LARGE1: variants seen among roughly 807,000 people sequenced by gnomAD.
The protein encoded by LARGE1 is LARGE xylosyl- and glucuronyltransferase 1.
Under a neutral mutation model 87.6 loss-of-function variants are expected in LARGE1, and 43 were observed. The ratio of observed to expected loss-of-function variants is 0.49; its 90% CI spans 0.38 to 0.63. LARGE1 has a LOEUF of 0.63. Ranked by LOEUF, LARGE1 falls within the 30% of genes least tolerant of loss-of-function variation. The pLI is 0.00. For missense variants in LARGE1, 802 were observed against 1,000.2 expected (o/e 0.80, Z 2.67); for synonymous variants, 434 against 394.6 (o/e 1.10, Z -1.18).
At chr22:33,498,839 C>T (rs985840206) in intron 6 of LARGE1, among the ~76,000 whole-genome samples, 1 of 151,868 alleles carries the variant, frequency 6.6e-6, no homozygotes, top group African/African-American at 2.4e-5. Flanking sequence ...GGAGTGGTGG[C>T]GGGGGACCTG....
At chr22:33,511,405 G>A (rs2071048341) in intron 6 of LARGE1, among the ~76,000 whole-genome samples, 1 of 152,144 alleles carries the variant, frequency 6.6e-6, no homozygotes, top group African/African-American at 2.4e-5. Context: ...TTTCTGTGTT[G>A]TTACTCAGAG....
chr22:33,554,849 C>T (rs545783399), intron 6 of LARGE1, among the ~76,000 whole-genome samples: 39 of 152,300 alleles, frequency 2.6e-4, no homozygotes, highest in African/African-American at 8.4e-4. Flanking sequence ...AAGAAACATC[C>T]GCTTTACTTG....
At chr22:33,686,032 C>A (rs1406063633) in intron 2 of LARGE1, among the ~76,000 whole-genome samples, 1 of 152,158 alleles carries the variant, frequency 6.6e-6, no homozygotes, top group Non-Finnish European at 1.5e-5. Context: ...TTTATCGACT[C>A]ATCTATCTAT....
intron 9 of LARGE1, among the ~76,000 whole-genome samples, chr22:33,358,997 T>TA (rs35961638): frequency 0.076 from 10,828 of 141,744 alleles, 468 homozygotes; most frequent in South Asian, 0.13. Context: ...GACTCCATCT[T>TA]AAAAAAAAAA....
intron 1 of LARGE1, among the ~76,000 whole-genome samples, chr22:33,882,506 A>G (rs924763707): frequency 1.3e-5 from 2 of 152,054 alleles, no homozygotes; most frequent in Non-Finnish European, 2.9e-5. Flanking sequence ...CAGCCAGGAG[A>G]CCTCTCAGCA....
chr22:33,094,879 TG>T, the LARGE1 span, among the ~76,000 whole-genome samples: 1 of 152,146 alleles, frequency 6.6e-6, no homozygotes, highest in South Asian at 2.1e-4. Flanking sequence ...CCACCACACC[TG>T]GCTAATTTTG....
chr22:33,203,103 G>C (rs200793113), intron 11 of LARGE1, among the ~76,000 whole-genome samples: 15 of 133,748 alleles, frequency 1.1e-4, no homozygotes, highest in Admixed American at 5.8e-4. Flanking sequence ...CTCTCTCTCT[G>C]TGTGTGTGTG....
chr22:33,675,671 T>C (rs539916900), intron 2 of LARGE1, among the ~76,000 whole-genome samples: 11 of 152,194 alleles, frequency 7.2e-5, no homozygotes, highest in Non-Finnish European at 1.6e-4. Flanking sequence ...AGTTCTATTA[T>C]ACCTGGTACC....
At chr22:33,651,240 A>AAAAAAAAAAAAAAAAAAAAAAC (rs1218968780) in intron 2 of LARGE1, among the ~76,000 whole-genome samples, 1 of 144,192 alleles carries the variant, frequency 6.9e-6, no homozygotes, top group Non-Finnish European at 1.5e-5. Flanking sequence ...AAAAAAAAAA[A>AAAAAAAAAAAAAAAAAAAAAAC]AATTAGCCGG....
At chr22:33,871,525 G>C (rs2064280907) in intron 1 of LARGE1, among the ~76,000 whole-genome samples, 1 of 152,178 alleles carries the variant, frequency 6.6e-6, no homozygotes, top group African/African-American at 2.4e-5. Context: ...GAGGACAGAA[G>C]AGAGGTATCA....
chr22:33,068,803 A>T, the LARGE1 span, among the ~76,000 whole-genome samples: 2 of 152,236 alleles, frequency 1.3e-5, no homozygotes, highest in Non-Finnish European at 2.9e-5. Context: ...GGCAACCAAA[A>T]CAGCACGTGC....
chr22:33,868,664 T>G (rs1265701753), intron 1 of LARGE1, among the ~76,000 whole-genome samples: 1 of 152,156 alleles, frequency 6.6e-6, no homozygotes, highest in Non-Finnish European at 1.5e-5. Flanking sequence ...CAAAAACATT[T>G]CTGTGCCTCT....
At chr22:33,843,784 G>C (rs2063350204) in intron 1 of LARGE1, among the ~76,000 whole-genome samples, 1 of 152,086 alleles carries the variant, frequency 6.6e-6, no homozygotes, top group African/African-American at 2.4e-5. Flanking sequence ...CCCACAGTCT[G>C]TTCCCGGCAC....
chr22:33,359,851 A>C (rs919517705), intron 9 of LARGE1, among the ~76,000 whole-genome samples: 1 of 149,456 alleles, frequency 6.7e-6, no homozygotes, highest in African/African-American at 2.5e-5. Context: ...GGCGTGAGCC[A>C]CCGCACCCAG....
At chr22:33,772,794 T>TTTATA (rs938541869) in intron 1 of LARGE1, among the ~76,000 whole-genome samples, 45 of 152,306 alleles carry the variant, frequency 3.0e-4, no homozygotes, top group Admixed American at 2.5e-3. Flanking sequence ...CCATGACTAC[T>TTTATA]TTATATTCAA....
intron 6 of LARGE1, among the ~76,000 whole-genome samples, chr22:33,468,768 A>C (rs1469464602): frequency 6.6e-6 from 1 of 152,176 alleles, no homozygotes; most frequent in Non-Finnish European, 1.5e-5. Context: ...ATTCAAATCC[A>C]GGTTTGTCTG....
rs144962938 is a variant in LARGE1 at position 33,647,904 on chromosome 22, C to T, written c.408+2463G>A. On this transcript the variant is annotated intron_variant, in intron 3 of 14. Transcript: ENST00000397394. ...TCCCAAGTAGCTGGGACTACAGATG[C>T]GCGCCACCACATCCGGCTGATTTTT... is the stretch of plus-strand genomic sequence containing the variant. Among the ~76,000 whole-genome samples, 632 of 152,146 alleles carry T rather than the reference C, an allele frequency of 4.2e-3. 18 individuals are homozygous for T. Among genetic ancestry groups the T allele is most frequent in the Admixed American group, 0.039 (590 of 15,272 alleles).
At chr22:33,433,120 C>A (rs781713454) in intron 6 of LARGE1, among the ~76,000 whole-genome samples, 5 of 152,158 alleles carry the variant, frequency 3.3e-5, no homozygotes, top group African/African-American at 4.8e-5. Context: ...TTACCAATAC[C>A]ATTTCACAGC....
At chr22:33,259,980 C>A (rs1322039502) in intron 11 of LARGE1, among the ~76,000 whole-genome samples, 2 of 152,182 alleles carry the variant, frequency 1.3e-5, no homozygotes, top group Non-Finnish European at 2.9e-5. Flanking sequence ...TGCTTATAAC[C>A]ACCCTCAACT....
Sources: gnomAD v4.1 joint callset for allele counts (sites outside exome capture counted in the v4.1 genomes callset) on GRCh38, gnomAD v4.1.1 for gene constraint, MANE v1.5 for transcripts, NCBI Gene and HGNC (gene_info 2026-07-23, HGNC 2026-07-21) for gene names.